IQCM: variants seen among roughly 807,000 people sequenced by gnomAD.
The protein encoded by IQCM is IQ motif containing M.
A neutral mutation model predicts 57.6 loss-of-function variants in IQCM; 45 were observed. That is an observed-to-expected ratio of 0.78 (90% confidence interval 0.62 to 1.00). The LOEUF is 1.00. Among genes scored for constraint, IQCM ranks in the 50% least tolerant of loss-of-function variants. The pLI, the probability that IQCM is intolerant of heterozygous loss-of-function variation, is 0.00. For synonymous variants in IQCM, 148 were observed against 158.9 expected, an observed-to-expected ratio of 0.93 and a Z score of 0.51; for missense variants, 468 against 511.6, an observed-to-expected ratio of 0.91 and a Z score of 0.82.
chr4:149,550,853 G>C (rs1333492240), intron 11 of IQCM, among the ~76,000 whole-genome samples: 1 of 152,120 alleles, frequency 6.6e-6, no homozygotes, highest in East Asian at 1.9e-4. Flanking sequence ...TGGATGCTCT[G>C]GTTGGTAATT....
intron 7 of IQCM, among the ~76,000 whole-genome samples, chr4:149,672,923 G>C (rs1475045100): frequency 6.6e-6 from 1 of 152,164 alleles, no homozygotes; most frequent in Non-Finnish European, 1.5e-5. Context: ...ACTAACAGCA[G>C]ATCTTTCGGC....
At chr4:149,406,184 T>C (rs981883192) in intron 13 of IQCM, among the ~76,000 whole-genome samples, 1 of 151,966 alleles carries the variant, frequency 6.6e-6, no homozygotes, top group Admixed American at 6.6e-5. Flanking sequence ...ACAATGTATT[T>C]AATAGTGAGC....
rs1283861395 is a variant in IQCM at position 149,433,559 on chromosome 4, T to C, written c.1229-2A>G. On this transcript the variant is annotated splice_acceptor_variant, in intron 12 of 13. Transcript: ENST00000636793. LOFTEE classifies it high-confidence loss of function. Reference sequence around the variant, plus strand: ...GTTCAGAATATTTTTCTTTGCCATCTATAAAGAAAAGATAAAATATATAAA... The same window carrying C: ...GTTCAGAATATTTTTCTTTGCCATCCATAAAGAAAAGATAAAATATATAAA... 4.6e-6 allele frequency: 5 copies of C among 1,085,742 alleles called. No homozygotes were observed. The highest frequency in any genetic ancestry group is 5.8e-6 in the Non-Finnish European group (5 of 855,476). The allele number at this position is 1,085,742 out of a possible 1,614,324, so 67.3% of individuals were successfully genotyped here. A position where few individuals can be genotyped will look rare whatever the true frequency, so the allele number is the denominator to read the frequency against.
At chr4:149,711,467 T>C (rs1764553111) in intron 5 of IQCM, among the ~76,000 whole-genome samples, 1 of 152,192 alleles carries the variant, frequency 6.6e-6, no homozygotes, top group Non-Finnish European at 1.5e-5. Context: ...AAAATCCAAC[T>C]AATAATATGC....
intron 13 of IQCM, among the ~76,000 whole-genome samples, chr4:149,415,946 A>T (rs1173098998): frequency 2.0e-5 from 3 of 152,090 alleles, no homozygotes; most frequent in Non-Finnish European, 4.4e-5. Context: ...AGAGATACCT[A>T]ATGTAAATGA....
intron 12 of IQCM, among the ~76,000 whole-genome samples, chr4:149,440,987 C>A (rs1204409998): frequency 1.3e-5 from 2 of 152,058 alleles, no homozygotes; most frequent in Non-Finnish European, 2.9e-5. Flanking sequence ...AACAAATGTA[C>A]AATTTCCTGG....
chr4:149,762,806 G>A (rs534516468), intron 2 of IQCM, among the ~76,000 whole-genome samples: 3 of 152,104 alleles, frequency 2.0e-5, no homozygotes, highest in East Asian at 3.9e-4. Context: ...CAAACAAATT[G>A]CTTAATACTT....
chr4:149,368,426 T>C (rs1247410809), intron 13 of IQCM, among the ~76,000 whole-genome samples: 1 of 152,004 alleles, frequency 6.6e-6, no homozygotes, highest in Non-Finnish European at 1.5e-5. Context: ...TTAACTTTTC[T>C]CCACATACTC....
chr4:149,434,904 G>A (rs1016657535), intron 12 of IQCM, among the ~76,000 whole-genome samples: 15 of 151,880 alleles, frequency 9.9e-5, no homozygotes, highest in Non-Finnish European at 1.2e-4. Context: ...CCTATGAACG[G>A]CTTCCCACTG....
intron 13 of IQCM, among the ~76,000 whole-genome samples, chr4:149,362,163 C>A (rs1029349992): frequency 3.3e-5 from 5 of 152,138 alleles, no homozygotes; most frequent in African/African-American, 1.2e-4. Flanking sequence ...GTTGTATTTA[C>A]CCCCATTGTA....
chr4:149,486,534 G>A (rs2149765122), intron 12 of IQCM, among the ~76,000 whole-genome samples: 1 of 152,182 alleles, frequency 6.6e-6, no homozygotes. Flanking sequence ...GAATCACAAG[G>A]TCAGGAGTTC....
At chr4:149,516,533 C>A (rs1284508404) in intron 12 of IQCM, among the ~76,000 whole-genome samples, 1 of 152,124 alleles carries the variant, frequency 6.6e-6, no homozygotes, top group African/African-American at 2.4e-5. Context: ...AATTACAATG[C>A]CAACTAGGTA....
intron 2 of IQCM, among the ~76,000 whole-genome samples, chr4:149,748,914 G>T (rs1466156572): frequency 6.6e-6 from 1 of 152,126 alleles, no homozygotes; most frequent in Non-Finnish European, 1.5e-5. Flanking sequence ...ACAAATCAAT[G>T]AAAAATACAG....
At chr4:149,534,399 T>C (rs371563568) in intron 12 of IQCM, among the ~76,000 whole-genome samples, 4 of 152,266 alleles carry the variant, frequency 2.6e-5, no homozygotes, top group East Asian at 1.9e-4. Flanking sequence ...GGCATTACTA[T>C]TGATGCACAT....
At chr4:149,468,826 T>G (rs1739169849) in intron 12 of IQCM, among the ~76,000 whole-genome samples, 1 of 152,218 alleles carries the variant, frequency 6.6e-6, no homozygotes, top group Non-Finnish European at 1.5e-5. Context: ...CAATATTTGC[T>G]GTTCTGCAGC....
chr4:149,539,318 G>A (rs1747615025), intron 12 of IQCM, among the ~76,000 whole-genome samples: 1 of 152,142 alleles, frequency 6.6e-6, no homozygotes, highest in African/African-American at 2.4e-5. Flanking sequence ...CATATTGCAT[G>A]ATTCTATTTA....
At chr4:149,526,460 T>C (rs1187624341) in intron 12 of IQCM, among the ~76,000 whole-genome samples, 1 of 152,008 alleles carries the variant, frequency 6.6e-6, no homozygotes, top group Non-Finnish European at 1.5e-5. Flanking sequence ...ATATTATTTA[T>C]ATCATCAAAA....
At position 149,742,738 on chromosome 4, in the gene IQCM, T is replaced by C. The variant is rs1767574625; in HGVS notation, c.-47A>G. 2 of 1,155,848 alleles carry C rather than the reference T, an allele frequency of 1.7e-6. No individual in the cohort carries two copies. Among genetic ancestry groups the C allele is most frequent in the South Asian group, 8.8e-5 (2 of 22,796 alleles). 71.6% of individuals were successfully genotyped at this position (1,155,848 alleles called of 1,614,324 possible). A position where few individuals can be genotyped will look rare whatever the true frequency, so the allele number is the denominator to read the frequency against. On this transcript the variant is annotated splice_region_variant and 5_prime_UTR_variant, in exon 3 of 14. Coordinates refer to ENST00000636793, the MANE Select transcript of IQCM (RefSeq NM_001363507.2). The stretch of plus-strand genomic sequence containing the variant: ...TCTTTTTTAAAGTGTGAGCTCCAAG[T>C]CCTTAAACACAGTTACATTAAGTAA...
intron 13 of IQCM, among the ~76,000 whole-genome samples, chr4:149,431,622 T>G (rs889558411): frequency 3.3e-5 from 5 of 152,012 alleles, no homozygotes; most frequent in Non-Finnish European, 7.4e-5. Flanking sequence ...AACTCCCTCA[T>G]GCTGCCTCTT....
Sources: allele counts gnomAD v4.1 joint callset (sites outside exome capture counted in the v4.1 genomes callset), GRCh38; gene constraint gnomAD v4.1.1; transcripts MANE v1.5; gene names NCBI Gene and HGNC (gene_info 2026-07-23, HGNC 2026-07-21).